Variants in PTPRM observed in about 807,000 individuals in gnomAD.
PTPRM encodes the protein protein tyrosine phosphatase receptor type M, also known as receptor-type tyrosine-protein phosphatase mu.
PTPRM carries 47 observed loss-of-function variants against 186.7 expected under a neutral mutation model. The observed-to-expected ratio is 0.25, with a 90% CI of 0.20 to 0.32. PTPRM has a LOEUF of 0.32. Ranked by LOEUF, PTPRM falls within the 10% of genes least tolerant of loss-of-function variation. PTPRM has a pLI of 1.00. For missense variants in PTPRM, 1,494 were observed against 1,865.0 expected (o/e 0.80, Z 3.66); for synonymous variants, 668 against 674.9 (o/e 0.99, Z 0.16).
chr18:8,209,494 GGAGAT>G (rs2093974067), intron 14 of PTPRM, among the ~76,000 whole-genome samples: 1 of 152,140 alleles, frequency 6.6e-6, no homozygotes, highest in African/African-American at 2.4e-5. Context: ...GGTCCGGGTG[GGAGAT>G]GAGGAGAAAT....
At chr18:7,905,097 G>A (rs986531254) in intron 3 of PTPRM, among the ~76,000 whole-genome samples, 7 of 152,028 alleles carry the variant, frequency 4.6e-5, no homozygotes, top group Admixed American at 1.3e-4. Context: ...AGATTCAAGC[G>A]ATTCTCCTGT....
intron 13 of PTPRM, among the ~76,000 whole-genome samples, chr18:8,124,990 AG>A (rs1017373758): frequency 8.6e-5 from 13 of 152,000 alleles, no homozygotes; most frequent in African/African-American, 2.9e-4. Context: ...CTTGCTGGTT[AG>A]GTTTCCCTTG....
chr18:8,276,042 G>A (rs186009519), intron 19 of PTPRM, among the ~76,000 whole-genome samples: 11 of 151,906 alleles, frequency 7.2e-5, no homozygotes, highest in African/African-American at 9.7e-5. Flanking sequence ...TCTTTGTTGC[G>A]GGCATCACTT....
At chr18:7,712,103 C>G (rs1292692726) in intron 1 of PTPRM, among the ~76,000 whole-genome samples, 1 of 152,172 alleles carries the variant, frequency 6.6e-6, no homozygotes, top group African/African-American at 2.4e-5. Flanking sequence ...ACACCTCATA[C>G]AGGAGAGCTC....
At chr18:7,693,947 G>A (rs758145912) in intron 1 of PTPRM, among the ~76,000 whole-genome samples, 5 of 152,140 alleles carry the variant, frequency 3.3e-5, no homozygotes, top group Non-Finnish European at 5.9e-5. Context: ...TGAATGAATC[G>A]TAATGGAGCA....
At chr18:7,798,574 A>C (rs893541265) in intron 2 of PTPRM, among the ~76,000 whole-genome samples, 1 of 151,852 alleles carries the variant, frequency 6.6e-6, no homozygotes, top group Non-Finnish European at 1.5e-5. Context: ...GTATTTTATC[A>C]CAATTACAAA....
intron 7 of PTPRM, among the ~76,000 whole-genome samples, chr18:7,991,544 T>A (rs1347670258): frequency 6.6e-6 from 1 of 152,038 alleles, no homozygotes. Flanking sequence ...AATCGCAGGG[T>A]CTAATTTCAT....
intron 7 of PTPRM, among the ~76,000 whole-genome samples, chr18:7,973,070 T>C (rs1400234832): frequency 6.6e-6 from 1 of 152,184 alleles, no homozygotes; most frequent in African/African-American, 2.4e-5. Flanking sequence ...ATAATATATA[T>C]AACCCACTCT....
At chr18:7,584,880 C>G (rs764882917) in intron 1 of PTPRM, among the ~76,000 whole-genome samples, 1 of 152,204 alleles carries the variant, frequency 6.6e-6, no homozygotes, top group African/African-American at 2.4e-5. Context: ...GGAGCCAGGC[C>G]TGTGCTGAGC....
chr18:7,799,872 T>C (rs1292239805), intron 2 of PTPRM, among the ~76,000 whole-genome samples: 5 of 152,186 alleles, frequency 3.3e-5, no homozygotes, highest in Non-Finnish European at 7.3e-5. Context: ...TTCCTGATCT[T>C]AAAAGGAAAT....
intron 14 of PTPRM, among the ~76,000 whole-genome samples, chr18:8,180,145 C>T (rs2146569182): frequency 6.6e-6 from 1 of 152,228 alleles, no homozygotes; most frequent in African/African-American, 2.4e-5. Context: ...GGAAAAAAAA[C>T]ATGTATGGAG....
At chr18:8,274,221 A>C (rs2094807232) in intron 19 of PTPRM, among the ~76,000 whole-genome samples, 1 of 152,172 alleles carries the variant, frequency 6.6e-6, no homozygotes, top group African/African-American at 2.4e-5. Flanking sequence ...ATAGTTTGGC[A>C]CAGAGCTCAT....
In PTPRM at chr18:7,693,703, A is replaced by G. The variant is rs114795296; in HGVS notation, c.74-80446A>G. Among the ~76,000 whole-genome samples, 341 of 152,248 alleles carry G rather than the reference A, an allele frequency of 2.2e-3. 1 individual carries two copies. Among genetic ancestry groups the G allele is most frequent in the African/African-American group, 7.9e-3 (329 of 41,554 alleles). Reference sequence around the variant, plus strand: ...ATGAAGAACTCTCCTACAAAGTGGGAGATTGCTGCTATTAAAGGACTGAAG... The same window carrying G: ...ATGAAGAACTCTCCTACAAAGTGGGGGATTGCTGCTATTAAAGGACTGAAG... On this transcript the variant is annotated intron_variant, in intron 1 of 32. Transcript: ENST00000580170.
intron 29 of PTPRM, 101 bp from the exon 30 acceptor site, chr18:8,384,460 A>G: frequency 8.7e-7 from 1 of 1,150,050 alleles, no homozygotes; most frequent in Non-Finnish European, 1.2e-6. Flanking sequence ...CCTATCTCTT[A>G]AAAAAAAAGG....
intron 1 of PTPRM, among the ~76,000 whole-genome samples, chr18:7,627,048 C>T (rs2038079273): frequency 1.3e-5 from 2 of 152,042 alleles, no homozygotes; most frequent in South Asian, 4.1e-4. Context: ...TTCCTCCAAG[C>T]AGAGGGACTT....
intron 14 of PTPRM, among the ~76,000 whole-genome samples, chr18:8,205,861 T>C (rs999721531): frequency 1.3e-5 from 2 of 152,096 alleles, no homozygotes; most frequent in Non-Finnish European, 2.9e-5. Flanking sequence ...GAGAGAAAAA[T>C]TGCTAACGTT....
intron 7 of PTPRM, among the ~76,000 whole-genome samples, chr18:8,037,857 C>T (rs73385658): frequency 0.023 from 3,483 of 152,102 alleles, 125 homozygotes; most frequent in African/African-American, 0.079. Flanking sequence ...TGCAGAGGTG[C>T]GAGCCATAGT....
At chr18:7,839,469 G>A (rs1412513260) in intron 2 of PTPRM, among the ~76,000 whole-genome samples, 1 of 152,190 alleles carries the variant, frequency 6.6e-6, no homozygotes, top group Non-Finnish European at 1.5e-5. Flanking sequence ...CCCAGGGTGT[G>A]TCTAGCAATG....
At chr18:8,106,879 C>T (rs2091545207) in intron 11 of PTPRM, among the ~76,000 whole-genome samples, 2 of 152,160 alleles carry the variant, frequency 1.3e-5, no homozygotes, top group Admixed American at 1.3e-4. Flanking sequence ...CATCAGCACC[C>T]CCTTGGGCAC....
Sources: allele counts gnomAD v4.1 joint callset (sites outside exome capture counted in the v4.1 genomes callset), GRCh38; gene constraint gnomAD v4.1.1; transcripts MANE v1.5; gene names NCBI Gene and HGNC (gene_info 2026-07-23, HGNC 2026-07-21).